NINL: variants seen among roughly 807,000 people sequenced by gnomAD.
NINL encodes the protein ninein like, also known as ninein-like protein.
Under a neutral mutation model 160.3 loss-of-function variants are expected in NINL, and 153 were observed. The observed-to-expected ratio is 0.95, with a 90% confidence interval of 0.84 to 1.09. The LOEUF is 1.09. Among genes scored for constraint, NINL ranks in the 50% least tolerant of loss-of-function variants. The pLI is 0.00. For synonymous variants in NINL, 800 were observed against 734.8 expected, an observed-to-expected ratio of 1.09 and a Z score of -1.43; for missense variants, 1,829 against 1,764.0, an observed-to-expected ratio of 1.04 and a Z score of -0.66.
chr20:25,500,778 C>T (rs1350543986), intron 8 of NINL, 62 bp downstream of exon 8: 7 of 1,563,866 alleles, frequency 4.5e-6, no homozygotes, highest in Non-Finnish European at 6.1e-6. Flanking sequence ...CATCCATCCT[C>T]CTCTGCAGCA....
chr20:25,497,004 A>C (rs1180690145), intron 9 of NINL, among the ~76,000 whole-genome samples: 1 of 152,178 alleles, frequency 6.6e-6, no homozygotes, highest in African/African-American at 2.4e-5. Flanking sequence ...ACTGAGAGAG[A>C]GGGGCCACGT....
At chr20:25,579,216 C>T (rs1274135389) in intron 1 of NINL, among the ~76,000 whole-genome samples, 1 of 152,110 alleles carries the variant, frequency 6.6e-6, no homozygotes, top group Non-Finnish European at 1.5e-5. Flanking sequence ...CCTCTCCAGA[C>T]CGGAGCACCC....
Position 25,458,517 on chromosome 20 carries a change from G to A in NINL, c.3709C>T (p.His1237Tyr). 1 of 1,597,306 alleles carries A rather than the reference G, an allele frequency of 6.3e-7. No individual in the cohort carries two copies. Among genetic ancestry groups the A allele is most frequent in the Non-Finnish European group, 8.5e-7 (1 of 1,178,274 alleles). Reference protein sequence around the residue: ...EESQDQVQGAHLRLRQAQAQH... With the variant: ...EESQDQVQGAYLRLRQAQAQH... The stretch of plus-strand genomic sequence containing the variant: ...GCCTGGGCCTGCCTCAGCCTCAGGT[G>A]AGCTCCCTGCACCTGCATGGGGAAG... The change falls in exon 22 of 24, where the codon CAC becomes TAC. Residue 1237 changes from histidine (H) to tyrosine (Y), a missense_variant. His to Tyr is a moderately conservative substitution (Grantham distance 83, BLOSUM62 2). Transcript: ENST00000278886.
intron 9 of NINL, among the ~76,000 whole-genome samples, chr20:25,497,284 G>T (rs2063775855): frequency 6.6e-6 from 1 of 152,262 alleles, no homozygotes; most frequent in Non-Finnish European, 1.5e-5. Flanking sequence ...GGTTGTATGT[G>T]GTCTCAGCTC....
At chr20:25,537,213 G>C (rs1034639469) in intron 1 of NINL, among the ~76,000 whole-genome samples, 29 of 152,074 alleles carry the variant, frequency 1.9e-4, no homozygotes, top group African/African-American at 5.3e-4. Context: ...CCCCCAAGCA[G>C]CTGGGACTAC....
chr20:25,565,175 C>T (rs2064986849), intron 1 of NINL, among the ~76,000 whole-genome samples: 1 of 152,120 alleles, frequency 6.6e-6, no homozygotes, highest in Non-Finnish European at 1.5e-5. Context: ...AAAAAAATAA[C>T]CATTTTGAAA....
chr20:25,499,098 G>A (rs886702215), intron 8 of NINL: 28 of 985,336 alleles, frequency 2.8e-5, no homozygotes, highest in Non-Finnish European at 3.3e-5. Flanking sequence ...GCTGAAGCAG[G>A]TGCCAGGACG....
At chr20:25,470,830 G>GA (rs1277318390) in intron 17 of NINL, among the ~76,000 whole-genome samples, 3 of 151,852 alleles carry the variant, frequency 2.0e-5, no homozygotes, top group African/African-American at 7.3e-5. Flanking sequence ...CCTTGTCTGT[G>GA]AAAAAACAAA....
At chr20:25,577,611 T>C (rs953429757) in intron 1 of NINL, among the ~76,000 whole-genome samples, 1 of 152,222 alleles carries the variant, frequency 6.6e-6, no homozygotes, top group Non-Finnish European at 1.5e-5. Context: ...TTAGTGAATA[T>C]TGCACTATAT....
chr20:25,496,604 G>A (rs564503073), intron 10 of NINL, 59 bp downstream of exon 10: 7 of 1,593,880 alleles, frequency 4.4e-6, no homozygotes, highest in African/African-American at 4.0e-5. Flanking sequence ...TCCACTACCT[G>A]CCCTCAAAGG....
chr20:25,529,249 G>T (rs1367446818), intron 1 of NINL, among the ~76,000 whole-genome samples: 1 of 151,954 alleles, frequency 6.6e-6, no homozygotes, highest in Non-Finnish European at 1.5e-5. Context: ...CTCTAGCCTG[G>T]GTGACAGAGC....
chr20:25,480,987 G>C (rs868285610), intron 14 of NINL, among the ~76,000 whole-genome samples: 236 of 152,286 alleles, frequency 1.5e-3, no homozygotes, highest in African/African-American at 5.2e-3. Context: ...TGGCGCCTCA[G>C]GAGCCTGACT....
chr20:25,538,850 G>A (rs1351967550), intron 1 of NINL, among the ~76,000 whole-genome samples: 2 of 152,134 alleles, frequency 1.3e-5, no homozygotes, highest in Non-Finnish European at 2.9e-5. Context: ...GGGGAGCACA[G>A]GGCTGGGGAA....
chr20:25,463,441 A>G (rs2062838915), intron 19 of NINL, among the ~76,000 whole-genome samples: 1 of 152,086 alleles, frequency 6.6e-6, no homozygotes, highest in Admixed American at 6.5e-5. Flanking sequence ...ATCAAATTGT[A>G]TGTTTTGCTT....
intron 1 of NINL, among the ~76,000 whole-genome samples, chr20:25,551,684 A>T (rs2064808861): frequency 6.6e-6 from 1 of 152,190 alleles, no homozygotes; most frequent in African/African-American, 2.4e-5. Context: ...AGGCTCTAAT[A>T]ACTGCTCAGC....
chr20:25,511,156 CA>C, intron 4 of NINL, among the ~76,000 whole-genome samples: 1 of 152,318 alleles, frequency 6.6e-6, no homozygotes, highest in South Asian at 2.1e-4. Context: ...CATTCAGTCT[CA>C]GGACACGCTC....
intron 1 of NINL, among the ~76,000 whole-genome samples, chr20:25,581,148 A>C (rs7266592): frequency 6.6e-6 from 1 of 152,146 alleles, no homozygotes; most frequent in Non-Finnish European, 1.5e-5. Flanking sequence ...TCATGGCAAG[A>C]TCCAAAAGTA....
At chr20:25,487,467 T>C (rs937489764) in intron 13 of NINL, among the ~76,000 whole-genome samples, 1 of 152,202 alleles carries the variant, frequency 6.6e-6, no homozygotes, top group African/African-American at 2.4e-5. Context: ...ATAACAGTCA[T>C]AACATGCCCA....
intron 9 of NINL, 64 bp downstream of exon 9, chr20:25,498,146 C>T (rs41274448): frequency 4.5e-5 from 71 of 1,587,164 alleles, no homozygotes; most frequent in African/African-American, 3.2e-4. Flanking sequence ...GTGTCCCAGA[C>T]CCCCCTCCAG....
Sources: gnomAD v4.1 joint callset for allele counts (sites outside exome capture counted in the v4.1 genomes callset) on GRCh38, gnomAD v4.1.1 for gene constraint, MANE v1.5 for transcripts, NCBI Gene and HGNC (gene_info 2026-07-23, HGNC 2026-07-21) for gene names.